Variants in PDK1 observed in about 807,000 individuals in gnomAD.
PDK1 encodes [Pyruvate dehydrogenase (acetyl-transferring)] kinase isozyme 1, mitochondrial.
In PDK1, 39 loss-of-function variants were observed where a neutral mutation model predicts 54.2. That is an observed-to-expected ratio of 0.72 (90% CI 0.56 to 0.94). The LOEUF is 0.94. Among genes scored for constraint, PDK1 ranks in the 40% least tolerant of loss-of-function variants. The pLI is 0.00. For synonymous variants in PDK1, 221 were observed against 207.1 expected (o/e 1.07, Z -0.58); for missense variants, 552 against 566.0 (o/e 0.98, Z 0.25).
At chr2:172,587,551 A>C (rs1690314436) in intron 9 of PDK1, among the ~76,000 whole-genome samples, 1 of 152,126 alleles carries the variant, frequency 6.6e-6, no homozygotes, top group African/African-American at 2.4e-5. Flanking sequence ...GTTACAGCTC[A>C]TAAAGGTAGT....
intron 8 of PDK1, among the ~76,000 whole-genome samples, chr2:172,571,790 C>T (rs1443426510): frequency 2.0e-5 from 3 of 149,514 alleles, no homozygotes; most frequent in African/African-American, 7.4e-5. Context: ...CCTTTGTAGG[C>T]CTCATTACTC....
chr2:172,659,445 T>C, the PDK1 span, among the ~76,000 whole-genome samples: 3,510 of 152,318 alleles, frequency 0.023, 135 homozygotes, highest in African/African-American at 0.079. Context: ...TTCATTTTCT[T>C]ATGAGGGCTC....
At chr2:172,713,042 A>G in the PDK1 span, among the ~76,000 whole-genome samples, 2 of 152,158 alleles carry the variant, frequency 1.3e-5, no homozygotes, top group Admixed American at 6.5e-5. Context: ...TCCTATCTGC[A>G]GGCAGGTCTT....
chr2:172,594,807 C>A (rs1251802461), intron 10 of PDK1, among the ~76,000 whole-genome samples: 2 of 152,060 alleles, frequency 1.3e-5, no homozygotes, highest in Non-Finnish European at 2.9e-5. Flanking sequence ...ACTGAAAAAT[C>A]CTAACTTGAA....
the PDK1 span, among the ~76,000 whole-genome samples, chr2:172,671,781 C>T: frequency 2.0e-5 from 3 of 152,130 alleles, no homozygotes; most frequent in Admixed American, 1.3e-4. Flanking sequence ...GGCAATGTTT[C>T]TGTCTTAGAG....
At chr2:172,564,217 T>G in intron 3 of PDK1, 1 of 473,886 alleles carries the variant, frequency 2.1e-6, no homozygotes, top group Non-Finnish European at 4.0e-6. Context: ...TGATAACAGT[T>G]AAAACCATTA....
At position 172,564,788 on chromosome 2, in the gene PDK1, T is replaced by C; in HGVS notation, c.595+101T>C. The C allele has an allele frequency of 3.5e-6, 4 of 1,128,762 alleles. No homozygotes were observed. The South Asian group carries it at 4.7e-5, about 13-fold the overall frequency. The allele number at this position is 1,128,762 out of a possible 1,614,324, so 69.9% of individuals were successfully genotyped here. On this transcript the variant is annotated intron_variant, in intron 4 of 10. Transcript: ENST00000282077. ...TCCATTTAGGTAGGAAATTTAGTTT[T>C]ACCTTTTGGCTAATTAAGAAAAATA...
chr2:172,575,862 T>A (rs1689550840), intron 8 of PDK1, among the ~76,000 whole-genome samples: 1 of 152,106 alleles, frequency 6.6e-6, no homozygotes, highest in Non-Finnish European at 1.5e-5. Context: ...AAACAATACA[T>A]TTGATATCTA....
chr2:172,714,137 T>G, the PDK1 span, among the ~76,000 whole-genome samples: 1 of 152,262 alleles, frequency 6.6e-6, no homozygotes, highest in Non-Finnish European at 1.5e-5. Flanking sequence ...AAAATAGTTT[T>G]GAAAAACAAT....
At chr2:172,620,160 T>C in the PDK1 span, among the ~76,000 whole-genome samples, 1 of 152,206 alleles carries the variant, frequency 6.6e-6, no homozygotes, top group African/African-American at 2.4e-5. Flanking sequence ...AGTGAGGCCC[T>C]GTCTCAAACA....
At chr2:172,613,686 C>T in the PDK1 span, among the ~76,000 whole-genome samples, 3 of 152,182 alleles carry the variant, frequency 2.0e-5, no homozygotes, top group African/African-American at 7.2e-5. Flanking sequence ...GTTTTAAAAA[C>T]ATATTTCTGT....
At chr2:172,711,785 GA>G in the PDK1 span, among the ~76,000 whole-genome samples, 1 of 145,338 alleles carries the variant, frequency 6.9e-6, no homozygotes, top group Non-Finnish European at 1.5e-5. Context: ...AGGATCACTT[GA>G]GCCCGAAAGG....
At chr2:172,566,733 C>A in intron 5 of PDK1, 123 bp from the exon 6 acceptor site, 19 of 348,476 alleles carry the variant, frequency 5.5e-5, no homozygotes, top group Non-Finnish European at 8.2e-5. Context: ...ACCAAACTAT[C>A]AAAGTATATT....
At chr2:172,669,335 C>T in the PDK1 span, among the ~76,000 whole-genome samples, 1 of 152,260 alleles carries the variant, frequency 6.6e-6, no homozygotes, top group Non-Finnish European at 1.5e-5. Flanking sequence ...GCGTGAGCCA[C>T]TGCGCCCGGC....
the PDK1 span, among the ~76,000 whole-genome samples, chr2:172,694,061 C>T: frequency 6.6e-6 from 1 of 152,226 alleles, no homozygotes; most frequent in Admixed American, 6.5e-5. Context: ...GTCCCACCTC[C>T]GTGTGGCGAC....
At chr2:172,621,837 CATATGTATGATACATGTTTATATCTCAT>C in the PDK1 span, among the ~76,000 whole-genome samples, 2 of 120,878 alleles carry the variant, frequency 1.7e-5, no homozygotes, top group African/African-American at 2.9e-5. Context: ...GTTTATATCT[CATATGTATGATACATGTTTATATCTCAT>C]ATGTATGATA....
chr2:172,593,110 T>C, intron 10 of PDK1, 62 bp downstream of exon 10: 1 of 850,590 alleles, frequency 1.2e-6, no homozygotes, highest in Non-Finnish European at 1.9e-6. Context: ...ATGTCCATAC[T>C]TAACTGTAAT....
the PDK1 span, among the ~76,000 whole-genome samples, chr2:172,668,400 TC>T: frequency 6.6e-6 from 1 of 151,978 alleles, no homozygotes; most frequent in African/African-American, 2.4e-5. Context: ...CCAGTAATGA[TC>T]TGTGAACCAT....
the PDK1 span, among the ~76,000 whole-genome samples, chr2:172,720,443 C>A: frequency 2.6e-5 from 4 of 152,128 alleles, no homozygotes; most frequent in Non-Finnish European, 5.9e-5. Context: ...CTGCTCTACC[C>A]CCAGCTTTCA....
Sources: gnomAD v4.1 joint callset for allele counts (sites outside exome capture counted in the v4.1 genomes callset) on GRCh38, gnomAD v4.1.1 for gene constraint, MANE v1.5 for transcripts, NCBI Gene and HGNC (gene_info 2026-07-23, HGNC 2026-07-21) for gene names.